Variants in PEAK1 observed in about 807,000 individuals in gnomAD.
PEAK1 encodes inactive tyrosine-protein kinase PEAK1.
PEAK1 carries 54 observed loss-of-function variants against 124.7 expected under a neutral mutation model. That is an observed-to-expected ratio of 0.43 (90% CI 0.35 to 0.54). The LOEUF (loss-of-function observed/expected upper bound fraction) is 0.54. Ranked by LOEUF, PEAK1 falls within the 20% of genes least tolerant of loss-of-function variation. PEAK1 has a pLI of 0.01. For synonymous variants in PEAK1, 719 were observed against 760.0 expected (o/e 0.95, Z 0.89); for missense variants, 2,046 against 2,134.5 (o/e 0.96, Z 0.82).
chr15:77,310,896 C>T (rs2153001194), intron 2 of PEAK1, among the ~76,000 whole-genome samples: 1 of 152,200 alleles, frequency 6.6e-6, no homozygotes, highest in East Asian at 1.9e-4. Flanking sequence ...ACTAAACAAA[C>T]AAACAAAAAC....
At chr15:77,125,981 T>C (rs1212651464) in intron 9 of PEAK1, among the ~76,000 whole-genome samples, 2 of 152,240 alleles carry the variant, frequency 1.3e-5, no homozygotes. Context: ...GTGCTGTTTA[T>C]AATTGGTACT....
chr15:77,212,620 T>C (rs1262793427), intron 6 of PEAK1, among the ~76,000 whole-genome samples: 2 of 152,252 alleles, frequency 1.3e-5, no homozygotes, highest in African/African-American at 2.4e-5. Flanking sequence ...ATCAATTTTC[T>C]TTCTAAAGTT....
chr15:77,291,080 C>T (rs2063187193), intron 2 of PEAK1, among the ~76,000 whole-genome samples: 1 of 152,208 alleles, frequency 6.6e-6, no homozygotes, highest in Non-Finnish European at 1.5e-5. Flanking sequence ...GTGTAACAGT[C>T]AATGCATGGG....
At chr15:77,182,164 C>T (rs1418308348) in intron 6 of PEAK1, 124 bp from the exon 7 acceptor site, 4 of 863,800 alleles carry the variant, frequency 4.6e-6, no homozygotes, top group Non-Finnish European at 6.1e-6. Context: ...AGACTGAGAG[C>T]TAAACTAATT....
chr15:77,330,544 T>C (rs1197486762), intron 2 of PEAK1, among the ~76,000 whole-genome samples: 2 of 152,182 alleles, frequency 1.3e-5, no homozygotes, highest in Non-Finnish European at 2.9e-5. Flanking sequence ...TCTCACCCTG[T>C]TTCCCATACA....
intron 1 of PEAK1, among the ~76,000 whole-genome samples, chr15:77,395,634 C>A (rs1207025662): frequency 1.3e-5 from 2 of 152,006 alleles, no homozygotes; most frequent in Non-Finnish European, 2.9e-5. Context: ...ACTTTACAGG[C>A]CACGAGACAA....
chr15:77,241,821 G>T (rs2060371826), intron 6 of PEAK1, among the ~76,000 whole-genome samples: 1 of 151,936 alleles, frequency 6.6e-6, no homozygotes, highest in African/African-American at 2.4e-5. Flanking sequence ...GCTAATAAAA[G>T]AAATCAAAGA....
chr15:77,241,246 A>G (rs916133717), intron 6 of PEAK1, among the ~76,000 whole-genome samples: 1 of 152,210 alleles, frequency 6.6e-6, no homozygotes, highest in Non-Finnish European at 1.5e-5. Context: ...CCATATGATC[A>G]TATCAATTGA....
intron 9 of PEAK1, among the ~76,000 whole-genome samples, chr15:77,121,167 C>A (rs1272322748): frequency 6.6e-6 from 1 of 152,038 alleles, no homozygotes; most frequent in Non-Finnish European, 1.5e-5. Flanking sequence ...TGAGGTACAA[C>A]TGATCCCATC....
chr15:77,407,983 A>G (rs1020873727), intron 1 of PEAK1, among the ~76,000 whole-genome samples: 11 of 151,040 alleles, frequency 7.3e-5, no homozygotes, highest in East Asian at 1.9e-4. Context: ...ACACACATAT[A>G]CATATATACA....
chr15:77,418,828 G>C, intron 1 of PEAK1: 2 of 985,030 alleles, frequency 2.0e-6, no homozygotes, highest in Non-Finnish European at 2.4e-6. Flanking sequence ...ATTTATCGGG[G>C]GAAAAAAAAA....
intron 2 of PEAK1, among the ~76,000 whole-genome samples, chr15:77,313,529 C>T (rs1208975769): frequency 6.6e-6 from 1 of 151,384 alleles, no homozygotes; most frequent in Non-Finnish European, 1.5e-5. Context: ...TGCAATGGCG[C>T]GAACTCGGCT....
In PEAK1 at chr15:77,111,996, T is replaced by C. The variant is rs2051003265; in HGVS notation, c.*2160A>G. On this transcript the variant is annotated 3_prime_UTR_variant, in exon 10 of 10. Transcript: ENST00000682557. ...CAAGGAGTTATGTGCACATGTTCTATGCTAAGATGAACCAAACACCAACCT... is the reference window on the plus strand; with the variant it reads ...CAAGGAGTTATGTGCACATGTTCTACGCTAAGATGAACCAAACACCAACCT... 1 of 152,376 alleles carries C rather than the reference T, an allele frequency of 6.6e-6. No individual in the cohort carries two copies. Among genetic ancestry groups the C allele is most frequent in the East Asian group, 1.9e-4 (1 of 5,180 alleles). The allele number at this position is 152,376 out of a possible 1,614,324, so 9.4% of individuals were successfully genotyped here. A position where few individuals can be genotyped will look rare whatever the true frequency, so the allele number is the denominator to read the frequency against.
At chr15:77,251,777 G>A (rs2060895041) in intron 6 of PEAK1, among the ~76,000 whole-genome samples, 1 of 152,174 alleles carries the variant, frequency 6.6e-6, no homozygotes, top group African/African-American at 2.4e-5. Flanking sequence ...GCAACACCCA[G>A]AAGTTACCGC....
chr15:77,120,261 A>G (rs1309560484), intron 9 of PEAK1, among the ~76,000 whole-genome samples: 1 of 152,144 alleles, frequency 6.6e-6, no homozygotes, highest in Non-Finnish European at 1.5e-5. Flanking sequence ...CATATACACT[A>G]CTGACTTCCG....
chr15:77,207,809 A>C (rs961545814), intron 6 of PEAK1, among the ~76,000 whole-genome samples: 3 of 152,184 alleles, frequency 2.0e-5, no homozygotes, highest in Non-Finnish European at 4.4e-5. Flanking sequence ...GTACAACAAA[A>C]AGAGAAAATC....
At chr15:77,117,079 T>C (rs2051454423) in intron 9 of PEAK1, among the ~76,000 whole-genome samples, 2 of 152,342 alleles carry the variant, frequency 1.3e-5, no homozygotes, top group South Asian at 4.1e-4. Flanking sequence ...GTATAGGAGT[T>C]GGATCCAGCA....
At chr15:77,346,911 T>G (rs1448809592) in intron 2 of PEAK1, 1 of 323,194 alleles carries the variant, frequency 3.1e-6, no homozygotes, top group African/African-American at 2.3e-5. Flanking sequence ...CAATTAGTGA[T>G]CTGGTACTAA....
chr15:77,206,228 G>T, intron 6 of PEAK1, among the ~76,000 whole-genome samples: 1 of 139,294 alleles, frequency 7.2e-6, no homozygotes, highest in Non-Finnish European at 1.6e-5. Flanking sequence ...GTCTATCATT[G>T]TTGGACATTT....
Sources: allele counts gnomAD v4.1 joint callset (sites outside exome capture counted in the v4.1 genomes callset), GRCh38; gene constraint gnomAD v4.1.1; transcripts MANE v1.5; gene names NCBI Gene and HGNC (gene_info 2026-07-23, HGNC 2026-07-21).